The following RAB3C variants were observed in gnomAD, a reference collection of about 807,000 sequenced individuals.
RAB3C encodes the protein RAB3C, member RAS oncogene family.
RAB3C carries 17 observed loss-of-function variants against 26.4 expected under a neutral mutation model. The ratio of observed to expected loss-of-function variants is 0.64; its 90% CI spans 0.44 to 0.97. The LOEUF is 0.97. RAB3C is among the 50% of genes least tolerant of loss of function. The probability of loss-of-function intolerance (pLI) is 0.00; values close to 1 mark genes in which losing one functional copy is unlikely to be tolerated. For synonymous variants in RAB3C, 91 were observed against 95.9 expected, an observed-to-expected ratio of 0.95 and a Z score of 0.30; for missense variants, 242 against 281.9, an observed-to-expected ratio of 0.86 and a Z score of 1.01.
chr5:58,637,517 G>A (rs1747314816), intron 2 of RAB3C, among the ~76,000 whole-genome samples: 1 of 152,090 alleles, frequency 6.6e-6, no homozygotes, highest in Non-Finnish European at 1.5e-5. Context: ...ACAGGATTTA[G>A]AGAAACTCTT....
At chr5:58,643,713 G>C (rs1309230215) in intron 2 of RAB3C, among the ~76,000 whole-genome samples, 1 of 152,196 alleles carries the variant, frequency 6.6e-6, no homozygotes, top group Non-Finnish European at 1.5e-5. Context: ...TGGTCACAAT[G>C]TTACCAAGTC....
At chr5:58,845,680 A>ATT (rs1743984213) in intron 4 of RAB3C, among the ~76,000 whole-genome samples, 1 of 140,882 alleles carries the variant, frequency 7.1e-6, no homozygotes, top group Non-Finnish European at 1.5e-5. Flanking sequence ...ATATGTATAT[A>ATT]TGTGTATATA....
At chr5:58,584,666 A>G (rs889871846) in intron 1 of RAB3C, among the ~76,000 whole-genome samples, 6 of 152,206 alleles carry the variant, frequency 3.9e-5, no homozygotes, top group Non-Finnish European at 7.4e-5. Context: ...ATACTTCACT[A>G]TGTATATGTA....
At chr5:58,844,192 A>G (rs1743937875) in intron 4 of RAB3C, among the ~76,000 whole-genome samples, 1 of 152,176 alleles carries the variant, frequency 6.6e-6, no homozygotes, top group Non-Finnish European at 1.5e-5. Flanking sequence ...CTGAAATTAG[A>G]TCATGGTGAT....
intron 1 of RAB3C, among the ~76,000 whole-genome samples, chr5:58,584,145 C>A (rs758639914): frequency 2.0e-5 from 3 of 152,198 alleles, no homozygotes; most frequent in Non-Finnish European, 2.9e-5. Flanking sequence ...AATGTGCTGT[C>A]TCTCCTGAGA....
At chr5:58,750,368 T>G (rs1347877588) in intron 3 of RAB3C, among the ~76,000 whole-genome samples, 1 of 152,244 alleles carries the variant, frequency 6.6e-6, no homozygotes, top group Non-Finnish European at 1.5e-5. Context: ...AGCTATCTCA[T>G]TTTTCTTCTT....
chr5:58,718,336 T>C lies in RAB3C; in HGVS notation c.253-7666T>C, dbSNP rs541662503. 3.3e-5 allele frequency among the ~76,000 whole-genome samples: 5 copies of C among 152,192 alleles called. No individual in the cohort carries two copies. The South Asian group carries it at 8.3e-4, about 25-fold the overall frequency. On this transcript the variant is annotated intron_variant, in intron 2 of 4. Transcript: ENST00000282878. Reference sequence around the variant, plus strand: ...CTTGAAGAGAGTTCCTCTGAGTGTTTAAATAGCATTTACTGAAAACCATCT... The same window carrying C: ...CTTGAAGAGAGTTCCTCTGAGTGTTCAAATAGCATTTACTGAAAACCATCT...
intron 1 of RAB3C, among the ~76,000 whole-genome samples, chr5:58,597,061 TAA>T (rs376622111): frequency 2.4e-4 from 1 of 4,086 alleles, no homozygotes; most frequent in Non-Finnish European, 5.2e-4. Flanking sequence ...ATATAATACA[TAA>T]TATATATTAT....
chr5:58,793,062 G>A (rs1175979301), intron 3 of RAB3C, among the ~76,000 whole-genome samples: 5 of 151,980 alleles, frequency 3.3e-5, no homozygotes, highest in Admixed American at 6.6e-5. Context: ...GTACCTGAGG[G>A]AGAACCCTGT....
At chr5:58,844,466 C>T (rs1415702692) in intron 4 of RAB3C, among the ~76,000 whole-genome samples, 1 of 152,188 alleles carries the variant, frequency 6.6e-6, no homozygotes, top group Non-Finnish European at 1.5e-5. Context: ...TGATCAAAAG[C>T]CTTACCTCCC....
chr5:58,655,145 A>T (rs558640884), intron 2 of RAB3C, among the ~76,000 whole-genome samples: 2 of 152,322 alleles, frequency 1.3e-5, no homozygotes, highest in South Asian at 4.1e-4. Flanking sequence ...GATCAGCAAG[A>T]AGAACAAATA....
intron 2 of RAB3C, among the ~76,000 whole-genome samples, chr5:58,624,987 C>G (rs898125915): frequency 5.3e-5 from 8 of 152,106 alleles, no homozygotes; most frequent in African/African-American, 1.9e-4. Context: ...TCACAAAAAC[C>G]CTGTGAGATA....
In RAB3C at chr5:58,787,037, T is replaced by C. The variant is rs554540335; in HGVS notation, c.372-38001T>C. On this transcript the variant is annotated intron_variant, in intron 3 of 4. Transcript: ENST00000282878. Reference sequence around the variant, plus strand: ...TTTCAAGATTCGATGTCTTGGAAACTAGACTCCTTCTCAGATCTTAAAGGT... The same window carrying C: ...TTTCAAGATTCGATGTCTTGGAAACCAGACTCCTTCTCAGATCTTAAAGGT... Among the ~76,000 whole-genome samples, 4 of 152,132 alleles carry C rather than the reference T, an allele frequency of 2.6e-5. No individual in the cohort carries two copies. The South Asian group carries it at 6.2e-4, about 24-fold the overall frequency.
chr5:58,596,685 TA>T (rs1746272435), intron 1 of RAB3C, among the ~76,000 whole-genome samples: 2 of 55,102 alleles, frequency 3.6e-5, no homozygotes, highest in South Asian at 4.1e-4. Context: ...ATATATAATA[TA>T]TAATACATAA....
At chr5:58,818,995 G>T (rs987729800) in intron 3 of RAB3C, among the ~76,000 whole-genome samples, 1 of 152,138 alleles carries the variant, frequency 6.6e-6, no homozygotes, top group Non-Finnish European at 1.5e-5. Flanking sequence ...ATATGGAATG[G>T]AAACAAAATT....
chr5:58,628,969 G>T (rs908187862), intron 2 of RAB3C, among the ~76,000 whole-genome samples: 2 of 131,794 alleles, frequency 1.5e-5, no homozygotes, highest in Non-Finnish European at 3.1e-5. Context: ...CGAGAGGATT[G>T]CTTGAGTACC....
chr5:58,778,890 C>A (rs1742208183), intron 3 of RAB3C, among the ~76,000 whole-genome samples: 1 of 152,134 alleles, frequency 6.6e-6, no homozygotes, highest in South Asian at 2.1e-4. Flanking sequence ...GAATCACCTT[C>A]ACTTCTAAGC....
chr5:58,792,842 TTATA>T (rs903012881), intron 3 of RAB3C, among the ~76,000 whole-genome samples: 4 of 151,906 alleles, frequency 2.6e-5, no homozygotes, highest in Admixed American at 6.6e-5. Context: ...AATAAAAGAT[TTATA>T]TATATATAAT....
intron 2 of RAB3C, among the ~76,000 whole-genome samples, chr5:58,653,291 G>C (rs1305652993): frequency 1.3e-5 from 2 of 152,094 alleles, no homozygotes; most frequent in African/African-American, 4.8e-5. Flanking sequence ...TAAAAAGTCA[G>C]GAAACAACAG....
Sources: allele counts gnomAD v4.1 joint callset (sites outside exome capture counted in the v4.1 genomes callset), GRCh38; gene constraint gnomAD v4.1.1; transcripts MANE v1.5; gene names NCBI Gene and HGNC (gene_info 2026-07-23, HGNC 2026-07-21).